STIL: variants seen among roughly 807,000 people sequenced by gnomAD.
STIL encodes SCL-interrupting locus protein.
A neutral mutation model predicts 110.1 loss-of-function variants in STIL; 55 were observed. The ratio of observed to expected loss-of-function variants is 0.50; its 90% CI spans 0.40 to 0.63. STIL has a LOEUF of 0.63. STIL is among the 20% of genes least tolerant of loss of function. STIL has a pLI of 0.00. For synonymous variants in STIL, 481 were observed against 530.0 expected (o/e 0.91, Z 1.27); for missense variants, 1,358 against 1,530.0 (o/e 0.89, Z 1.87).
At chr1:47,271,518 C>T (rs1644833539) in intron 13 of STIL, among the ~76,000 whole-genome samples, 1 of 145,550 alleles carries the variant, frequency 6.9e-6, no homozygotes, top group African/African-American at 2.6e-5. Context: ...GAGACTATGC[C>T]ATTGCACTCC....
intron 13 of STIL, among the ~76,000 whole-genome samples, chr1:47,270,401 A>G (rs1483764597): frequency 6.7e-6 from 1 of 150,330 alleles, no homozygotes; most frequent in East Asian, 1.9e-4. Flanking sequence ...GTGGAAGGGC[A>G]CATTCTGGGT....
At chr1:47,298,908 T>C (rs907335147) in intron 6 of STIL, among the ~76,000 whole-genome samples, 1 of 152,060 alleles carries the variant, frequency 6.6e-6, no homozygotes, top group African/African-American at 2.4e-5. Context: ...CATGCCCAGC[T>C]TTTTTGTTTG....
rs1644448816 is a variant in STIL, at chr1:47,260,366, C to A, written c.3003G>T (p.Lys1001Asn). The A allele has an allele frequency of 6.2e-7, 1 of 1,613,988 alleles. No individual in the cohort carries two copies. The highest frequency in any genetic ancestry group is 8.5e-7 in the Non-Finnish European group (1 of 1,180,012). Reference protein sequence around the residue: ...DKDCVLNATLKQLRSLGVKID... With the variant: ...DKDCVLNATLNQLRSLGVKID... ...TTTTTACTCCAAGGCTTCTTAGTTGCTTAAGAGTTGCATTAAGGACACAAT... is the reference window on the plus strand; with the variant it reads ...TTTTTACTCCAAGGCTTCTTAGTTGATTAAGAGTTGCATTAAGGACACAAT... Residue 1001 changes from lysine to asparagine, a missense_variant, in exon 16 of 17, where the codon AAG becomes AAT. By Grantham distance (94) the Lys-to-Asn change is moderately conservative. Transcript: ENST00000371877.
intron 10 of STIL, among the ~76,000 whole-genome samples, chr1:47,285,256 T>G (rs2149022303): frequency 6.6e-6 from 1 of 152,082 alleles, no homozygotes; most frequent in African/African-American, 2.4e-5. Flanking sequence ...GGTCTCGAAC[T>G]CCTGAGCTCA....
At chr1:47,307,352 G>A (rs1266634094) in intron 2 of STIL, among the ~76,000 whole-genome samples, 1 of 152,188 alleles carries the variant, frequency 6.6e-6, no homozygotes, top group Admixed American at 6.5e-5. Flanking sequence ...GGAGGGACCG[G>A]CCGAAGCCAT....
intron 2 of STIL, among the ~76,000 whole-genome samples, chr1:47,308,583 G>C (rs1646033916): frequency 6.6e-6 from 1 of 151,838 alleles, no homozygotes; most frequent in African/African-American, 2.4e-5. Context: ...CATGGACACA[G>C]AGAGTAGAAG....
In STIL at chr1:47,250,932, TG is replaced by T; in HGVS notation, c.*203del. 1 of 555,880 alleles carries T rather than the reference TG, an allele frequency of 1.8e-6. No individual in the cohort carries two copies. The highest frequency in any genetic ancestry group is 3.1e-6 in the Non-Finnish European group (1 of 318,268). The allele number at this position is 555,880 out of a possible 1,614,324, so 34.4% of individuals were successfully genotyped here. On this transcript the variant is annotated 3_prime_UTR_variant, in exon 17 of 17. Coordinates refer to ENST00000371877, the MANE Select transcript of STIL (RefSeq NM_001048166.1). Reference sequence around the variant, plus strand: ...TCAGGGCTTTTCTTAAAGGTTTCAGTGATGTTGAACAGCTCTATTTGAACAA... The same window carrying T: ...TCAGGGCTTTTCTTAAAGGTTTCAGTATGTTGAACAGCTCTATTTGAACAA...
intron 12 of STIL, among the ~76,000 whole-genome samples, chr1:47,273,509 T>C (rs111620051): frequency 1.7e-4 from 26 of 152,366 alleles, no homozygotes; most frequent in African/African-American, 6.0e-4. Context: ...GGTTCAACCA[T>C]GTTGCAGCAT....
chr1:47,257,236 T>C (rs1644355138), intron 16 of STIL, among the ~76,000 whole-genome samples: 1 of 152,244 alleles, frequency 6.6e-6, no homozygotes, highest in South Asian at 2.1e-4. Flanking sequence ...CAGGTAGGCC[T>C]CAGATAGGCT....
chr1:47,280,909 G>A lies in STIL; in HGVS notation c.1549C>T (p.His517Tyr), dbSNP rs1275499028. ...GATGGTTTAATACTGTTCCTGGTAT[G>A]GGGGTTCCCTTTCTTATAGGCAGGT... ...QPPAYKKGNP[H>Y]TRNSIKPSSH... Residue 517 changes from histidine (H) to tyrosine (Y), a missense_variant, in exon 12 of 17, where the codon CAT becomes TAT. Transcript: ENST00000371877. 6.2e-7 allele frequency: 1 copy of A among 1,614,148 alleles called. No homozygotes were observed. Among genetic ancestry groups the A allele is most frequent in the South Asian group, 1.1e-5 (1 of 91,076 alleles).
At chr1:47,254,259 C>T (rs1377303104) in intron 16 of STIL, among the ~76,000 whole-genome samples, 1 of 149,558 alleles carries the variant, frequency 6.7e-6, no homozygotes, top group Non-Finnish European at 1.5e-5. Context: ...ACAGTGTGCT[C>T]ACTAATGCTG....
intron 14 of STIL, among the ~76,000 whole-genome samples, chr1:47,265,996 T>C (rs1464261585): frequency 3.3e-5 from 5 of 151,852 alleles, no homozygotes. Flanking sequence ...TCAAATACCT[T>C]AGCACAAGCA....
chr1:47,256,703 A>G (rs1348776141), intron 16 of STIL, among the ~76,000 whole-genome samples: 3 of 150,794 alleles, frequency 2.0e-5, no homozygotes, highest in Non-Finnish European at 4.4e-5. Flanking sequence ...TTTTAAGAGT[A>G]CAAAACATCG....
Position 47,251,796 on chromosome 1 carries a change from A to C in STIL, c.3207T>G (p.Ala1069=). The C allele has an allele frequency of 6.2e-7, 1 of 1,611,914 alleles. No individual in the cohort carries two copies. Among genetic ancestry groups the C allele is most frequent in the Non-Finnish European group, 8.5e-7 (1 of 1,178,744 alleles). ...VDLSMEANAI[A]LKYLNENQLS... ...GCTGATTTTCATTTAAATATTTCAG[A>C]GCTATAGCATTTGCCTCCATGCTCA... The change falls in exon 17 of 17, where the codon GCT becomes GCG. Residue 1069 remains alanine, a synonymous_variant. Transcript: ENST00000371877.
At chr1:47,259,585 G>A (rs143525540) in intron 16 of STIL, among the ~76,000 whole-genome samples, 1,628 of 152,174 alleles carry the variant, frequency 0.011, 27 homozygotes, top group African/African-American at 0.037. Flanking sequence ...CACCGCGCCC[G>A]GCCTAAGAGA....
chr1:47,277,510 T>C (rs1465471664), intron 12 of STIL, among the ~76,000 whole-genome samples: 2 of 152,040 alleles, frequency 1.3e-5, no homozygotes, highest in South Asian at 2.1e-4. Context: ...TTTCCAAGTA[T>C]AGGAAACATG....
chr1:47,269,750 C>T lies in STIL; in HGVS notation c.2500G>A (p.Glu834Lys), dbSNP rs1393066121. The T allele has an allele frequency of 1.2e-6, 2 of 1,614,016 alleles. No homozygotes were observed. Among genetic ancestry groups the T allele is most frequent in the Non-Finnish European group, 8.5e-7 (1 of 1,180,024 alleles). ...DMNFSVDINNEVTSLPGSASS... is the reference protein window; with the variant it reads ...DMNFSVDINNKVTSLPGSASS... ...GCACTACCTGGAAGACTTGTGACTT[C>T]ATTATTAATATCGACAGAAAAATTC... Residue 834 changes from glutamate to lysine, a missense_variant, in exon 14 of 17, where the codon GAA becomes AAA. Transcript: ENST00000371877.
In STIL at chr1:47,280,977, T is replaced by C. The variant is rs1315941587; in HGVS notation, c.1481A>G (p.Gln494Arg). 2 of 1,613,916 alleles carry C rather than the reference T, an allele frequency of 1.2e-6. No individual in the cohort carries two copies. The highest frequency in any genetic ancestry group is 1.3e-5 in the African/African-American group (1 of 74,904). Reference sequence around the variant, plus strand: ...GTGTCTCAAAAGAGCTGGTTTATCCTGGTTTAACTGATTTGGTATTCCTCT... The same window carrying C: ...GTGTCTCAAAAGAGCTGGTTTATCCCGGTTTAACTGATTTGGTATTCCTCT... ...SLRGIPNQLN[Q>R]DKPALLRHCK... Residue 494 changes from glutamine to arginine, a missense_variant, in exon 12 of 17, where the codon CAG becomes CGG. Transcript: ENST00000371877.
intron 2 of STIL, among the ~76,000 whole-genome samples, chr1:47,308,397 C>CA (rs1432734581): frequency 1.3e-4 from 15 of 114,476 alleles, no homozygotes; most frequent in South Asian, 1.1e-3. Flanking sequence ...TCTCAAAAAA[C>CA]AAAAAAAAAG....
Sources: gnomAD v4.1 joint callset for allele counts (sites outside exome capture counted in the v4.1 genomes callset) on GRCh38, gnomAD v4.1.1 for gene constraint, MANE v1.5 for transcripts, NCBI Gene and HGNC (gene_info 2026-07-23, HGNC 2026-07-21) for gene names.